The following SLC29A4 variants were observed in gnomAD, a reference collection of about 807,000 sequenced individuals.
SLC29A4 encodes the protein equilibrative nucleoside transporter 4.
In SLC29A4, 36 loss-of-function variants were observed where a neutral mutation model predicts 43.9. That is an observed-to-expected ratio of 0.82 (90% CI 0.63 to 1.08). The LOEUF (loss-of-function observed/expected upper bound fraction) is 1.08. SLC29A4 is among the 50% of genes least tolerant of loss of function. SLC29A4 has a pLI of 0.00. For synonymous variants in SLC29A4, 491 were observed against 338.0 expected (o/e 1.45, Z -4.97); for missense variants, 869 against 755.3 (o/e 1.15, Z -1.77).
At chr7:5,285,240 C>G (rs1010577429) in intron 1 of SLC29A4, among the ~76,000 whole-genome samples, 3 of 152,212 alleles carry the variant, frequency 2.0e-5, no homozygotes, top group Non-Finnish European at 2.9e-5. Context: ...CAGCTCTGCT[C>G]TAAGCCCTGC....
At chr7:5,285,249 G>C (rs999302104) in intron 1 of SLC29A4, among the ~76,000 whole-genome samples, 31 of 152,128 alleles carry the variant, frequency 2.0e-4, no homozygotes, top group Non-Finnish European at 3.5e-4. Flanking sequence ...TCTAAGCCCT[G>C]CTCGGCCGCC....
chr7:5,294,726 A>C (rs1785531833), intron 5 of SLC29A4, 134 bp from the exon 6 acceptor site: 1 of 875,988 alleles, frequency 1.1e-6, no homozygotes, highest in Non-Finnish European at 1.9e-6. Context: ...GCTGCGTGTC[A>C]AATCTCTCTG....
At chr7:5,301,131 G>A (rs897713334) in intron 10 of SLC29A4, among the ~76,000 whole-genome samples, 1 of 152,156 alleles carries the variant, frequency 6.6e-6, no homozygotes, top group Non-Finnish European at 1.5e-5. Context: ...GGGTATGGTA[G>A]CGTGCGCCTA....
chr7:5,293,359 A>G (rs1187820750), intron 5 of SLC29A4, among the ~76,000 whole-genome samples: 2 of 151,288 alleles, frequency 1.3e-5, no homozygotes, highest in Non-Finnish European at 2.9e-5. Context: ...TTTAGTAGAG[A>G]TGGGGTTTCA....
chr7:5,292,400 C>T (rs1249159155), intron 5 of SLC29A4, among the ~76,000 whole-genome samples: 2 of 152,140 alleles, frequency 1.3e-5, no homozygotes. Flanking sequence ...AGGCATGAGC[C>T]ATCGTGCCTG....
chr7:5,288,116 T>G (rs1285758686), intron 2 of SLC29A4, 131 bp downstream of exon 2: 1 of 1,203,576 alleles, frequency 8.3e-7, no homozygotes, highest in Non-Finnish European at 1.1e-6. Context: ...CCTGTCAGTG[T>G]GGATTAGATC....
At chr7:5,291,349 C>T (rs1238524466) in intron 4 of SLC29A4, 112 bp downstream of exon 4, 1 of 1,062,384 alleles carries the variant, frequency 9.4e-7, no homozygotes, top group Admixed American at 2.0e-5. Flanking sequence ...GTAAAATGGG[C>T]ACACTTCCTA....
At chr7:5,295,526 T>TC (rs1392106043) in intron 6 of SLC29A4, among the ~76,000 whole-genome samples, 1 of 152,174 alleles carries the variant, frequency 6.6e-6, no homozygotes, top group African/African-American at 2.4e-5. Flanking sequence ...TCCCCTGGCC[T>TC]CCAGCCCCTG....
At chr7:5,293,665 G>C (rs1440601599) in intron 5 of SLC29A4, among the ~76,000 whole-genome samples, 1 of 152,018 alleles carries the variant, frequency 6.6e-6, no homozygotes, top group Non-Finnish European at 1.5e-5. Flanking sequence ...TTTTTTTAGA[G>C]GCAGGGTCTC....
rs751973180 is a variant in SLC29A4, at chr7:5,300,533, C to T, written c.1321C>T (p.Pro441Ser). 1.2e-5 allele frequency: 20 copies of T among 1,612,286 alleles called. No homozygotes were observed. The highest frequency in any genetic ancestry group is 4.4e-5 in the South Asian group (4 of 90,986). The stretch of plus-strand genomic sequence containing the variant: ...CCTGTGCGTCTACCCCAGCGGCATG[C>T]CCGCCCTCCGTCACCCCGCCTGGCC... ...FILCVYPSGM[P>S]ALRHPAWPCI... The change falls in exon 10 of 11, where the codon CCC becomes TCC. Residue 441 changes from proline to serine, a missense_variant. Physicochemically the swap from Pro to Ser is moderately conservative, Grantham distance 74. Transcript: ENST00000396872.
At position 5,286,290 on chromosome 7, in the gene SLC29A4, C is replaced by G. The variant is rs574378362; in HGVS notation, c.-8-1519C>G. 1.3e-3 allele frequency among the ~76,000 whole-genome samples: 191 copies of G among 152,068 alleles called. 2 individuals carry two copies. The highest frequency in any genetic ancestry group is 4.3e-3 in the African/African-American group (178 of 41,470). ...CTGTAATCCTAGCACTTTGGGAGGC[C>G]GAGGCGGGCAGATCACAAGGTCAAG... On this transcript the variant is annotated intron_variant, in intron 1 of 10. Transcript: ENST00000396872.
At chr7:5,295,469 G>A (rs759588669) in intron 6 of SLC29A4, among the ~76,000 whole-genome samples, 32 of 151,934 alleles carry the variant, frequency 2.1e-4, no homozygotes, top group African/African-American at 5.8e-4. Flanking sequence ...CTTTGCTCAC[G>A]CCTGAACCTT....
rs762983771 is a variant in SLC29A4 at position 5,290,768 on chromosome 7, C to T, written c.206C>T (p.Ala69Val). The change falls in exon 3 of 11, where the codon GCC becomes GTC. Residue 69 changes from alanine to valine, a missense_variant. Ala to Val is a moderately conservative substitution (Grantham distance 64, BLOSUM62 0). Transcript: ENST00000396872. ...CCAGTGCCCGATGACCGTTATCACG[C>T]CATCTACTTTGCGATGCTGCTGGCT... ...DEPVPDDRYH[A>V]IYFAMLLAGV... 5 of 1,613,868 alleles carry T rather than the reference C, an allele frequency of 3.1e-6. No individual in the cohort carries two copies. The highest frequency in any genetic ancestry group is 4.2e-6 in the Non-Finnish European group (5 of 1,179,896).
chr7:5,292,891 G>T (rs1340403384), intron 5 of SLC29A4, among the ~76,000 whole-genome samples: 3 of 150,902 alleles, frequency 2.0e-5, no homozygotes, highest in Admixed American at 6.6e-5. Context: ...TAGAGACGGG[G>T]TTTCACCATG....
rs1785550439 is a variant in SLC29A4 at position 5,294,930 on chromosome 7, G to A, written c.615G>A (p.Gly205=). ...PKRYTQGVMT[G]ESTAGVMISL... ...GGTACACGCAGGGGGTGATGACCGG[G>A]GAGAGTGAGTATCTGCAGACCCCCC... The change falls in exon 6 of 11, where the codon GGG becomes GGA. Residue 205 remains glycine, a synonymous_variant. Transcript: ENST00000396872. 6.2e-7 allele frequency: 1 copy of A among 1,606,160 alleles called. No homozygotes were observed. The highest frequency in any genetic ancestry group is 1.1e-5 in the South Asian group (1 of 89,750).
intron 5 of SLC29A4, among the ~76,000 whole-genome samples, chr7:5,293,162 C>CTTT (rs58758343): frequency 2.2e-4 from 26 of 117,276 alleles, no homozygotes; most frequent in African/African-American, 3.7e-4. Context: ...TTTTTTTTCT[C>CTTT]TTTTTTTTTT....
chr7:5,305,311 C>G lies in SLC29A4; in HGVS notation c.*2372C>G, dbSNP rs575178536. 1 of 152,312 alleles carries G rather than the reference C, an allele frequency of 6.6e-6. No individual in the cohort carries two copies. Among genetic ancestry groups the G allele is most frequent in the South Asian group, 2.1e-4 (1 of 4,840 alleles). The allele number at this position is 152,312 out of a possible 1,614,324, so 9.4% of individuals were successfully genotyped here. A position where few individuals can be genotyped will look rare whatever the true frequency, so the allele number is the denominator to read the frequency against. Reference sequence around the variant, plus strand: ...GCCCATGCCGGGCCCTTCCCTTGCCCGAGGCCGGCTGGCTGCCCTCCATGG... The same window carrying G: ...GCCCATGCCGGGCCCTTCCCTTGCCGGAGGCCGGCTGGCTGCCCTCCATGG... On this transcript the variant is annotated 3_prime_UTR_variant, in exon 11 of 11. Coordinates refer to ENST00000396872, the MANE Select transcript of SLC29A4 (RefSeq NM_153247.4).
chr7:5,294,741 T>G, intron 5 of SLC29A4, 119 bp from the exon 6 acceptor site: 1 of 948,354 alleles, frequency 1.1e-6, no homozygotes, highest in Non-Finnish European at 1.7e-6. Flanking sequence ...TCTCTGCCAT[T>G]AGTGGTGTTA....
At chr7:5,285,216 G>C (rs552786153) in intron 1 of SLC29A4, among the ~76,000 whole-genome samples, 5 of 152,192 alleles carry the variant, frequency 3.3e-5, no homozygotes, top group South Asian at 2.1e-4. Context: ...AGCCACCCTC[G>C]TTCAAGCCCA....
Sources: gnomAD v4.1 joint callset for allele counts (sites outside exome capture counted in the v4.1 genomes callset) on GRCh38, gnomAD v4.1.1 for gene constraint, MANE v1.5 for transcripts, NCBI Gene and HGNC (gene_info 2026-07-23, HGNC 2026-07-21) for gene names.